Variants in DNER observed in about 807,000 individuals in gnomAD.
DNER encodes the protein delta/notch like EGF repeat containing.
In DNER, 33 loss-of-function variants were observed where a neutral mutation model predicts 78.2. The observed-to-expected ratio is 0.42, with a 90% CI of 0.32 to 0.56. DNER has a LOEUF of 0.56. DNER is among the 20% of genes least tolerant of loss of function. DNER has a pLI of 0.11. For synonymous variants in DNER, 417 were observed against 384.8 expected, an observed-to-expected ratio of 1.08 and a Z score of -0.98; for missense variants, 918 against 975.3, an observed-to-expected ratio of 0.94 and a Z score of 0.78.
At chr2:229,500,061 G>A (rs537899720) in intron 6 of DNER, among the ~76,000 whole-genome samples, 164 of 152,100 alleles carry the variant, frequency 1.1e-3, no homozygotes, top group Middle Eastern at 3.4e-3. Context: ...AGCCTCCTGA[G>A]TAGCTGGGAC....
chr2:229,442,418 G>A (rs1406559160), intron 8 of DNER, among the ~76,000 whole-genome samples: 1 of 152,096 alleles, frequency 6.6e-6, no homozygotes, highest in East Asian at 1.9e-4. Context: ...GGGAGGCTGA[G>A]GCAGGAGAAT....
At chr2:229,379,093 G>C (rs1296367275) in intron 11 of DNER, among the ~76,000 whole-genome samples, 1 of 152,138 alleles carries the variant, frequency 6.6e-6, no homozygotes, top group Non-Finnish European at 1.5e-5. Flanking sequence ...ACGGCGTCCA[G>C]GTATGCACTG....
chr2:229,564,664 C>T lies in DNER; in HGVS notation c.848-17572G>A, dbSNP rs117442946. On this transcript the variant is annotated intron_variant, in intron 4 of 12. Transcript: ENST00000341772. ...CCCATCACCACCATCATCATCACCC[C>T]GTCACCATCATCATCATCATCCTCA... Among the ~76,000 whole-genome samples, 148 of 150,276 alleles carry T rather than the reference C, an allele frequency of 9.8e-4. 3 individuals carry two copies. In the East Asian group the frequency reaches 0.025, roughly 26 times the overall value.
chr2:229,619,890 C>T (rs571791197), intron 1 of DNER, among the ~76,000 whole-genome samples: 3 of 152,284 alleles, frequency 2.0e-5, no homozygotes, highest in Admixed American at 6.5e-5. Flanking sequence ...TCTATTATTT[C>T]GTCTCTCACC....
At chr2:229,386,177 A>G (rs1692859514) in intron 11 of DNER, among the ~76,000 whole-genome samples, 1 of 152,206 alleles carries the variant, frequency 6.6e-6, no homozygotes, top group Non-Finnish European at 1.5e-5. Context: ...CATATCTACA[A>G]CCATCTGATC....
chr2:229,509,965 C>T (rs1695830937), intron 6 of DNER, among the ~76,000 whole-genome samples: 1 of 152,106 alleles, frequency 6.6e-6, no homozygotes, highest in African/African-American at 2.4e-5. Flanking sequence ...ATCTTGAAGC[C>T]TGCAGCCAAG....
At chr2:229,394,950 C>T (rs1693101056) in intron 10 of DNER, among the ~76,000 whole-genome samples, 1 of 152,124 alleles carries the variant, frequency 6.6e-6, no homozygotes, top group Non-Finnish European at 1.5e-5. Flanking sequence ...CCCTCGATGC[C>T]ACATGAGGGA....
intron 11 of DNER, among the ~76,000 whole-genome samples, chr2:229,377,734 G>A (rs1391527866): frequency 6.6e-6 from 1 of 152,032 alleles, no homozygotes; most frequent in Non-Finnish European, 1.5e-5. Flanking sequence ...AAATAACTAG[G>A]GTGATGCGTT....
At chr2:229,498,399 A>G (rs1269634085) in intron 6 of DNER, among the ~76,000 whole-genome samples, 1 of 152,216 alleles carries the variant, frequency 6.6e-6, no homozygotes, top group Non-Finnish European at 1.5e-5. Flanking sequence ...TCTATTGAAC[A>G]TATAACTTAA....
rs1692174931 is a variant in DNER, at chr2:229,359,878, A to G, written c.2103-1227T>C. ...CACAAAGGCATATGCTATGCCAGAC[A>G]GGCACCAGGCAAAACACGGGGTTAA... On this transcript the variant is annotated intron_variant, in intron 12 of 12. Coordinates refer to ENST00000341772, the MANE Select transcript of DNER (RefSeq NM_139072.4). 2.0e-5 allele frequency among the ~76,000 whole-genome samples: 3 copies of G among 152,368 alleles called. No homozygotes were observed. In the South Asian group the frequency reaches 6.2e-4, roughly 32 times the overall value.
At chr2:229,603,022 C>A (rs1041686838) in intron 1 of DNER, among the ~76,000 whole-genome samples, 2 of 152,032 alleles carry the variant, frequency 1.3e-5, no homozygotes, top group Non-Finnish European at 2.9e-5. Flanking sequence ...GAAAGATGAA[C>A]AAATAGACCA....
At chr2:229,446,942 AAC>A (rs1559354084) in intron 8 of DNER, among the ~76,000 whole-genome samples, 1 of 152,224 alleles carries the variant, frequency 6.6e-6, no homozygotes, top group Non-Finnish European at 1.5e-5. Flanking sequence ...AAAGATACAC[AAC>A]ACAGTGAAAG....
At chr2:229,664,381 A>G in intron 1 of DNER, among the ~76,000 whole-genome samples, 1 of 152,138 alleles carries the variant, frequency 6.6e-6, no homozygotes, top group Admixed American at 6.6e-5. Context: ...GGTGGCTCAC[A>G]CCTGTAATCC....
chr2:229,634,668 A>C (rs1698497679), intron 1 of DNER, among the ~76,000 whole-genome samples: 1 of 152,228 alleles, frequency 6.6e-6, no homozygotes, highest in Non-Finnish European at 1.5e-5. Context: ...GCCATTTCAC[A>C]GTCTGGGCAG....
chr2:229,390,414 T>C (rs1393066306), intron 10 of DNER, among the ~76,000 whole-genome samples: 1 of 152,236 alleles, frequency 6.6e-6, no homozygotes, highest in Non-Finnish European at 1.5e-5. Flanking sequence ...GTCCAGAGCT[T>C]CTCCAAAAAG....
intron 10 of DNER, among the ~76,000 whole-genome samples, chr2:229,403,413 C>G (rs1009522421): frequency 2.0e-5 from 3 of 152,194 alleles, no homozygotes; most frequent in Non-Finnish European, 4.4e-5. Context: ...CTTGAGCACA[C>G]AGACATCCTT....
chr2:229,704,154 C>G (rs563506100), intron 1 of DNER, among the ~76,000 whole-genome samples: 31 of 152,248 alleles, frequency 2.0e-4, no homozygotes, highest in Non-Finnish European at 2.4e-4. Flanking sequence ...AAATGTGATA[C>G]CACTGCACGC....
intron 6 of DNER, among the ~76,000 whole-genome samples, chr2:229,489,410 C>G (rs1164427699): frequency 2.6e-5 from 4 of 151,982 alleles, no homozygotes; most frequent in African/African-American, 7.3e-5. Flanking sequence ...CTGATAGAAA[C>G]TAGGGATGCA....
At chr2:229,386,731 A>G (rs1235663749) in intron 11 of DNER, among the ~76,000 whole-genome samples, 2 of 152,252 alleles carry the variant, frequency 1.3e-5, no homozygotes, top group East Asian at 3.8e-4. Context: ...AAAAAAGCTC[A>G]TCATCACTGG....
Sources: allele counts gnomAD v4.1 joint callset (sites outside exome capture counted in the v4.1 genomes callset), GRCh38; gene constraint gnomAD v4.1.1; transcripts MANE v1.5; gene names NCBI Gene and HGNC (gene_info 2026-07-23, HGNC 2026-07-21).